POP1: variants seen among roughly 807,000 people sequenced by gnomAD.
The protein encoded by POP1 is POP1 ribonuclease P/MRP subunit.
Under a neutral mutation model 102.2 loss-of-function variants are expected in POP1, and 75 were observed. That is an observed-to-expected ratio of 0.73 (90% CI 0.61 to 0.89). The LOEUF (loss-of-function observed/expected upper bound fraction) is 0.89, where lower values mean the gene tolerates loss of function less well. POP1 is among the 40% of genes least tolerant of loss of function. The probability of loss-of-function intolerance (pLI) is 0.00; values close to 1 mark genes in which losing one functional copy is unlikely to be tolerated. For synonymous variants in POP1, 436 were observed against 464.1 expected, an observed-to-expected ratio of 0.94 and a Z score of 0.78; for missense variants, 1,116 against 1,267.4, an observed-to-expected ratio of 0.88 and a Z score of 1.81.
At position 98,151,206 on chromosome 8, in the gene POP1, C is replaced by T. The variant is rs546361511; in HGVS notation, c.2057+567C>T. The stretch of plus-strand genomic sequence containing the variant: ...GCTCAAGCGATTCTTTCACCTCACC[C>T]GTGTAGCTGAGAGTAAAGGCATGTG... On this transcript the variant is annotated intron_variant, in intron 14 of 15. Transcript: ENST00000401707. 1.4e-4 allele frequency among the ~76,000 whole-genome samples: 22 copies of T among 152,214 alleles called. 1 individual carries two copies. Among genetic ancestry groups the T allele is most frequent in the Admixed American group, 3.3e-4 (5 of 15,288 alleles).
chr8:98,155,870 C>A (rs909636700), intron 14 of POP1, 180 bp from the exon 15 acceptor site: 1 of 710,008 alleles, frequency 1.4e-6, no homozygotes, highest in Non-Finnish European at 2.3e-6. Context: ...CCACTGAGCC[C>A]AGCCTATTAT....
intron 10 of POP1, among the ~76,000 whole-genome samples, 199 bp downstream of exon 10, chr8:98,140,388 A>C (rs1816670007): frequency 6.6e-6 from 1 of 152,212 alleles, no homozygotes; most frequent in South Asian, 2.1e-4. Flanking sequence ...AACAAATGGT[A>C]TGTTCATATT....
rs983723460 is a variant in POP1 at position 98,158,216 on chromosome 8, T to C, written c.3020T>C (p.Leu1007Pro). ...GCAGCGCAGAGGGGCTTAGTGCTAC[T>C]GAGGCCTCCCGCCTCTCTGCAGTAT... The part of the protein sequence containing the change: ...QPAAQRGLVL[L>P]RPPASLQYRF... Residue 1007 changes from leucine (L) to proline (P), a missense_variant, in exon 16 of 16, where the codon CTG (leucine) becomes CCG (proline). Transcript: ENST00000401707. The C allele has an allele frequency of 3.1e-6, 5 of 1,611,706 alleles. No individual in the cohort carries two copies. Among genetic ancestry groups the C allele is most frequent in the Non-Finnish European group, 4.2e-6 (5 of 1,180,014 alleles).
chr8:98,130,813 A>G (rs999338518), intron 5 of POP1, among the ~76,000 whole-genome samples: 3 of 152,216 alleles, frequency 2.0e-5, no homozygotes, highest in Admixed American at 6.5e-5. Context: ...CTAGGTGTTT[A>G]TGGGTCAGTG....
intron 1 of POP1, among the ~76,000 whole-genome samples, chr8:98,122,477 T>A (rs921444472): frequency 1.3e-5 from 2 of 152,168 alleles, no homozygotes; most frequent in Non-Finnish European, 2.9e-5. Context: ...CCCTTCGGAT[T>A]TCCTGCAGTT....
intron 9 of POP1, among the ~76,000 whole-genome samples, chr8:98,139,713 A>G (rs1224473841): frequency 1.3e-5 from 2 of 151,508 alleles, no homozygotes; most frequent in Non-Finnish European, 2.9e-5. Context: ...AGCCTCAGTG[A>G]CAGTGAGACT....
intron 15 of POP1, among the ~76,000 whole-genome samples, chr8:98,156,899 AT>A (rs35066160): frequency 0.02 from 2,541 of 128,262 alleles, 17 homozygotes; most frequent in East Asian, 0.047. Flanking sequence ...CTTTGCTCTG[AT>A]TTTTTTTTTT....
At chr8:98,135,890 A>G (rs1035141620) in intron 7 of POP1, among the ~76,000 whole-genome samples, 7 of 151,908 alleles carry the variant, frequency 4.6e-5, no homozygotes, top group African/African-American at 1.7e-4. Flanking sequence ...TTGTGTAGGA[A>G]CAAGGTCTCC....
At chr8:98,140,723 G>A (rs1228782352) in intron 10 of POP1, 46 bp from the exon 11 acceptor site, 2 of 1,586,136 alleles carry the variant, frequency 1.3e-6, no homozygotes, top group Non-Finnish European at 1.7e-6. Flanking sequence ...AAATACAGAT[G>A]TATTATGAAT....
chr8:98,154,234 G>A (rs192088550), intron 14 of POP1, among the ~76,000 whole-genome samples: 5 of 152,184 alleles, frequency 3.3e-5, no homozygotes, highest in South Asian at 2.1e-4. Context: ...TTCTTCCTCC[G>A]CTGTGCTCTG....
intron 6 of POP1, 140 bp downstream of exon 6, chr8:98,134,176 T>TAA: frequency 1.3e-6 from 1 of 753,902 alleles, no homozygotes; most frequent in Non-Finnish European, 2.3e-6. Context: ...ATGAAAATGT[T>TAA]AACTTAAAAA....
In POP1 at chr8:98,117,352, T is replaced by A; in HGVS notation, c.-41T>A. 1 of 517,354 alleles carries A rather than the reference T, an allele frequency of 1.9e-6. No individual in the cohort carries two copies. Among genetic ancestry groups the A allele is most frequent in the Non-Finnish European group, 3.5e-6 (1 of 286,646 alleles). 32.0% of individuals were successfully genotyped at this position (517,354 alleles called of 1,614,324 possible). The stretch of plus-strand genomic sequence containing the variant: ...CTCGGTGGGTACTGTCGCGGAGGCT[T>A]GTCATTCTGACCCGGGGATTCCTCA... On this transcript the variant is annotated 5_prime_UTR_variant, in exon 1 of 16. Coordinates refer to ENST00000401707, the MANE Select transcript of POP1 (RefSeq NM_001145860.2).
At chr8:98,131,479 G>A (rs1208784216) in intron 5 of POP1, among the ~76,000 whole-genome samples, 1 of 152,104 alleles carries the variant, frequency 6.6e-6, no homozygotes, top group African/African-American at 2.4e-5. Context: ...GGTATATACC[G>A]TATCTTGATT....
chr8:98,125,174 A>G (rs1816159141), intron 2 of POP1, among the ~76,000 whole-genome samples: 1 of 150,118 alleles, frequency 6.7e-6, no homozygotes, highest in Non-Finnish European at 1.5e-5. Flanking sequence ...CTTAATTTAC[A>G]GACAGTTTTT....
chr8:98,157,899 T>C lies in POP1; in HGVS notation c.2703T>C (p.Ser901=). The C allele has an allele frequency of 1.2e-6, 2 of 1,614,074 alleles. No individual in the cohort carries two copies. The highest frequency in any genetic ancestry group is 1.7e-6 in the Non-Finnish European group (2 of 1,179,958). The change falls in exon 16 of 16, where the codon AGT becomes AGC. Residue 901 remains serine (S), a synonymous_variant. Transcript: ENST00000401707. ...GTGGGCCCCAGGAATCCAAACACAG[T>C]GACCCATTCAGGAGCAAGATCCTGA... ...HYCGPQESKH[S]DPFRSKILKQ...
In POP1 at chr8:98,136,591, A is replaced by T. The variant is rs1189128283; in HGVS notation, c.1121A>T (p.Glu374Val). The change falls in exon 8 of 16, where the codon GAA becomes GTA. Residue 374 changes from glutamate (E) to valine (V), a missense_variant. Transcript: ENST00000401707. The stretch of plus-strand genomic sequence containing the variant: ...CCATCCCAAGAAAAAAGCCAAACTG[A>T]ATTGCCTGACGAGAAAATTGGCAAG... ...PTPSQEKSQT[E>V]LPDEKIGKKR... The T allele has an allele frequency of 1.2e-6, 2 of 1,614,072 alleles. No homozygotes were observed. Among genetic ancestry groups the T allele is most frequent in the Non-Finnish European group, 1.7e-6 (2 of 1,180,034 alleles).
intron 2 of POP1, among the ~76,000 whole-genome samples, chr8:98,125,701 C>T (rs545850884): frequency 2.6e-5 from 4 of 152,040 alleles, no homozygotes; most frequent in African/African-American, 9.7e-5. Context: ...CTGCCACACC[C>T]AGCTAATTTT....
rs748137587 is a variant in POP1, at chr8:98,127,597, C to T, written c.145C>T (p.Pro49Ser). 6.2e-7 allele frequency: 1 copy of T among 1,614,062 alleles called. No homozygotes were observed. The highest frequency in any genetic ancestry group is 1.1e-5 in the South Asian group (1 of 91,080). ...EKPFQAQKQE[P>S]HPGTSRQRQT... ...GTTTCTTTTTGAAAATATACTAGAGCCTCATCCTGGAACTTCACGACAGCG... is the reference window on the plus strand; with the variant it reads ...GTTTCTTTTTGAAAATATACTAGAGTCTCATCCTGGAACTTCACGACAGCG... The change falls in exon 3 of 16, where the codon CCT becomes TCT. Residue 49 changes from proline to serine, a missense_variant and splice_region_variant. Pro to Ser is a moderately conservative substitution (Grantham distance 74). Transcript: ENST00000401707.
At chr8:98,144,538 G>A (rs1209716071) in intron 11 of POP1, among the ~76,000 whole-genome samples, 2 of 152,128 alleles carry the variant, frequency 1.3e-5, no homozygotes, top group East Asian at 1.9e-4. Context: ...GCCTCCCAAA[G>A]TGCTAGGATT....
Sources: gnomAD v4.1 joint callset for allele counts (sites outside exome capture counted in the v4.1 genomes callset) on GRCh38, gnomAD v4.1.1 for gene constraint, MANE v1.5 for transcripts, NCBI Gene and HGNC (gene_info 2026-07-23, HGNC 2026-07-21) for gene names.